Variants in TOP6BL observed in about 807,000 individuals in gnomAD.
TOP6BL encodes the protein type 2 DNA topoisomerase 6 subunit B-like.
At chr11:66,842,425 A>C in the TOP6BL span, among the ~76,000 whole-genome samples, 1 of 152,216 alleles carries the variant, frequency 6.6e-6, no homozygotes, top group Non-Finnish European at 1.5e-5. Flanking sequence ...TTGACAAATG[A>C]ATCAGTTAAG....
the TOP6BL span, among the ~76,000 whole-genome samples, chr11:66,842,337 T>G: frequency 6.6e-6 from 1 of 152,196 alleles, no homozygotes; most frequent in East Asian, 1.9e-4. Context: ...TCTGTGAGCT[T>G]CTCTCAGGGA....
the TOP6BL span, among the ~76,000 whole-genome samples, chr11:66,828,981 T>G: frequency 3.3e-5 from 5 of 149,846 alleles, no homozygotes; most frequent in African/African-American, 4.9e-5. Flanking sequence ...TTTTGTTTTT[T>G]TTTTTTTTGA....
the TOP6BL span, among the ~76,000 whole-genome samples, chr11:66,747,187 C>T: frequency 6.6e-6 from 1 of 152,098 alleles, no homozygotes; most frequent in Non-Finnish European, 1.5e-5. Flanking sequence ...TCCACCGCCT[C>T]AACCTCCCGA....
the TOP6BL span, among the ~76,000 whole-genome samples, chr11:66,835,799 T>C: frequency 6.6e-6 from 1 of 152,262 alleles, no homozygotes; most frequent in Non-Finnish European, 1.5e-5. Flanking sequence ...ATTTTATCCA[T>C]TAATTAGTTG....
At chr11:66,766,196 C>G in the TOP6BL span, among the ~76,000 whole-genome samples, 1 of 152,144 alleles carries the variant, frequency 6.6e-6, no homozygotes, top group African/African-American at 2.4e-5. Flanking sequence ...TGGTCTGACC[C>G]TTCTTTAGGG....
chr11:66,822,660 C>T, the TOP6BL span: 12 of 1,546,578 alleles, frequency 7.8e-6, no homozygotes, highest in South Asian at 1.2e-5. Context: ...AAAGATGTGT[C>T]TCCAGACCCT....
At chr11:66,825,604 A>G in the TOP6BL span, among the ~76,000 whole-genome samples, 11 of 152,194 alleles carry the variant, frequency 7.2e-5, no homozygotes, top group East Asian at 1.9e-3. Flanking sequence ...GAACCTGACC[A>G]TGCTGGCACT....
the TOP6BL span, among the ~76,000 whole-genome samples, chr11:66,757,849 A>G: frequency 1.3e-5 from 2 of 152,104 alleles, no homozygotes; most frequent in East Asian, 1.9e-4. Context: ...CAGCTTCTCA[A>G]AGTGCTGGGA....
the TOP6BL span, among the ~76,000 whole-genome samples, chr11:66,764,120 C>T: frequency 6.6e-6 from 1 of 152,058 alleles, no homozygotes; most frequent in East Asian, 1.9e-4. Context: ...CTCTTTAAGC[C>T]TATGCCTAGA....
chr11:66,843,306 G>GCTGCCGCGCGCTCACCAAGTCCT, the TOP6BL span: 1 of 1,552,660 alleles, frequency 6.4e-7, no homozygotes, highest in East Asian at 2.4e-5. Context: ...GTTTAATAAA[G>GCTGCCGCGCGCTCACCAAGTCCT]CTGCCGCGCG....
At chr11:66,776,250 G>A in the TOP6BL span, among the ~76,000 whole-genome samples, 2 of 152,080 alleles carry the variant, frequency 1.3e-5, no homozygotes, top group East Asian at 3.9e-4. Context: ...GTAGAGATGG[G>A]ATTCTACCAT....
the TOP6BL span, chr11:66,796,028 A>G: frequency 2.8e-6 from 1 of 354,996 alleles, no homozygotes; most frequent in Non-Finnish European, 5.1e-6. Flanking sequence ...GGTGGTTTTG[A>G]CATTATGGGT....
At chr11:66,745,114 T>G in the TOP6BL span, among the ~76,000 whole-genome samples, 1 of 151,808 alleles carries the variant, frequency 6.6e-6, no homozygotes, top group Non-Finnish European at 1.5e-5. Flanking sequence ...GGGTACTCTG[T>G]GGGGGAACGA....
chr11:66,754,905 A>G, the TOP6BL span, among the ~76,000 whole-genome samples: 2 of 152,192 alleles, frequency 1.3e-5, no homozygotes, highest in South Asian at 4.1e-4. Flanking sequence ...GAGGGAATCT[A>G]AAGATTTATT....
At chr11:66,843,076 G>A in the TOP6BL span, 36 of 1,579,212 alleles carry the variant, frequency 2.3e-5, no homozygotes, top group Non-Finnish European at 2.9e-5. Flanking sequence ...GGAGGTAACT[G>A]GGCGAGGGCC....
chr11:66,843,487 T>C, the TOP6BL span: 2 of 1,475,078 alleles, frequency 1.4e-6, no homozygotes, highest in Non-Finnish European at 8.9e-7. Context: ...GGGCTGCGAC[T>C]GCTGTCGGTG....
chr11:66,762,333 C>CG, the TOP6BL span: 1 of 393,678 alleles, frequency 2.5e-6, no homozygotes. Context: ...GGGCGGGCCC[C>CG]GGGGGTGTGG....
chr11:66,786,778 G>A, the TOP6BL span, among the ~76,000 whole-genome samples: 1 of 152,156 alleles, frequency 6.6e-6, no homozygotes, highest in African/African-American at 2.4e-5. Context: ...GAAGATTGAC[G>A]TAAGACATCC....
At chr11:66,761,100 G>A in the TOP6BL span, among the ~76,000 whole-genome samples, 13 of 151,550 alleles carry the variant, frequency 8.6e-5, no homozygotes, top group Admixed American at 5.3e-4. Context: ...GGCCGGGCGC[G>A]GTGGCTCACG....
Sources: allele counts gnomAD v4.1 joint callset (sites outside exome capture counted in the v4.1 genomes callset), GRCh38; gene constraint gnomAD v4.1.1; transcripts MANE v1.5; gene names NCBI Gene and HGNC (gene_info 2026-07-23, HGNC 2026-07-21).